CPE: variants seen among roughly 807,000 people sequenced by gnomAD.
The protein encoded by CPE is carboxypeptidase E, also known as carbocypeptidase E.
In CPE, 17 loss-of-function variants were observed where a neutral mutation model predicts 53.5. That is an observed-to-expected ratio of 0.32 (90% CI 0.22 to 0.48). The LOEUF (loss-of-function observed/expected upper bound fraction) is 0.48. Among genes scored for constraint, CPE ranks in the 20% least tolerant of loss-of-function variants. The pLI is 0.99. For missense variants in CPE, 524 were observed against 614.7 expected (o/e 0.85, Z 1.56); for synonymous variants, 226 against 228.8 (o/e 0.99, Z 0.11).
At chr4:165,477,883 C>A (rs1732331336) in intron 3 of CPE, among the ~76,000 whole-genome samples, 1 of 152,156 alleles carries the variant, frequency 6.6e-6, no homozygotes, top group Non-Finnish European at 1.5e-5. Context: ...GAGATCCATG[C>A]TCTCCTTGTT....
At chr4:165,486,434 A>T (rs988334122) in intron 5 of CPE, among the ~76,000 whole-genome samples, 1 of 152,186 alleles carries the variant, frequency 6.6e-6, no homozygotes, top group African/African-American at 2.4e-5. Context: ...TTGAATTAGC[A>T]TATAGTGTGA....
intron 1 of CPE, among the ~76,000 whole-genome samples, chr4:165,396,221 C>T (rs903894520): frequency 1.1e-4 from 16 of 152,154 alleles, no homozygotes; most frequent in East Asian, 3.9e-4. Context: ...TCATCTTTAA[C>T]GGGGCTAGGG....
At chr4:165,477,765 T>C (rs1732329078) in intron 3 of CPE, among the ~76,000 whole-genome samples, 1 of 151,500 alleles carries the variant, frequency 6.6e-6, no homozygotes, top group South Asian at 2.1e-4. Flanking sequence ...CCACATAAGC[T>C]GATCCAGGCC....
intron 1 of CPE, among the ~76,000 whole-genome samples, chr4:165,416,928 A>C (rs6828394): frequency 0.3 from 45,952 of 151,738 alleles, 7,037 homozygotes; most frequent in Middle Eastern, 0.4. Context: ...GAATGAATGG[A>C]ATTTGGTAAA....
intron 5 of CPE, among the ~76,000 whole-genome samples, chr4:165,486,209 G>A (rs369288620): frequency 1.4e-5 from 1 of 70,066 alleles, no homozygotes; most frequent in Admixed American, 1.1e-4. Context: ...GAAAAGGGGT[G>A]GGGGGGTAGC....
At chr4:165,459,087 G>GAAAA (rs1332655572) in intron 1 of CPE, among the ~76,000 whole-genome samples, 1 of 152,160 alleles carries the variant, frequency 6.6e-6, no homozygotes, top group African/African-American at 2.4e-5. Context: ...TTTCTGGGGT[G>GAAAA]TAAAAGAGTA....
intron 1 of CPE, among the ~76,000 whole-genome samples, chr4:165,447,229 G>A (rs1442353379): frequency 6.6e-6 from 1 of 152,144 alleles, no homozygotes; most frequent in Non-Finnish European, 1.5e-5. Context: ...ATTTAAAACT[G>A]TAAACCTTAT....
At position 165,482,278 on chromosome 4, in the gene CPE, A is replaced by T; in HGVS notation, c.709A>T (p.Met237Leu). 1.2e-6 allele frequency: 2 copies of T among 1,614,018 alleles called. No individual in the cohort carries two copies. The highest frequency in any genetic ancestry group is 1.7e-6 in the Non-Finnish European group (2 of 1,179,910). Reference sequence around the variant, plus strand: ...GACCAAGGCTGTCATTCATTGGATTATGGATATTCCTTTTGTGCTTTCTGC... The same window carrying T: ...GACCAAGGCTGTCATTCATTGGATTTTGGATATTCCTTTTGTGCTTTCTGC... Reference protein sequence around the residue: ...PETKAVIHWIMDIPFVLSANL... With the variant: ...PETKAVIHWILDIPFVLSANL... Residue 237 changes from methionine to leucine, a missense_variant, in exon 4 of 9, where the codon ATG becomes TTG. Transcript: ENST00000402744.
intron 1 of CPE, among the ~76,000 whole-genome samples, chr4:165,433,852 A>G (rs1368893538): frequency 2.0e-5 from 3 of 152,184 alleles, no homozygotes; most frequent in African/African-American, 7.2e-5. Context: ...ACATGCATTC[A>G]CAATGTCTTG....
chr4:165,436,255 A>C (rs1731500351), intron 1 of CPE, among the ~76,000 whole-genome samples: 3 of 152,124 alleles, frequency 2.0e-5, no homozygotes. Context: ...ATATCATTAA[A>C]AAATCCTCTT....
chr4:165,438,101 G>A (rs1455347594), intron 1 of CPE, among the ~76,000 whole-genome samples: 2 of 152,238 alleles, frequency 1.3e-5, no homozygotes, highest in East Asian at 3.9e-4. Flanking sequence ...AAGGATATCT[G>A]TGGATGAATA....
At chr4:165,418,505 A>G in intron 1 of CPE, among the ~76,000 whole-genome samples, 1 of 152,242 alleles carries the variant, frequency 6.6e-6, no homozygotes. Context: ...GGGTGATAGC[A>G]CACAAACAGA....
intron 1 of CPE, among the ~76,000 whole-genome samples, chr4:165,431,535 G>C (rs1246551805): frequency 6.6e-6 from 1 of 152,154 alleles, no homozygotes; most frequent in African/African-American, 2.4e-5. Flanking sequence ...GCTCCCTTAA[G>C]TAAGGACACA....
chr4:165,425,598 C>CA (rs1333735872), intron 1 of CPE, among the ~76,000 whole-genome samples: 5 of 149,334 alleles, frequency 3.3e-5, no homozygotes, highest in Non-Finnish European at 1.5e-5. Context: ...TAGATATTGA[C>CA]AATAAAGTCA....
At chr4:165,388,446 G>A (rs1730632854) in intron 1 of CPE, among the ~76,000 whole-genome samples, 1 of 152,078 alleles carries the variant, frequency 6.6e-6, no homozygotes. Flanking sequence ...GTAATTTAGG[G>A]ACTATTTAAT....
intron 1 of CPE, among the ~76,000 whole-genome samples, chr4:165,401,350 C>T (rs1207866111): frequency 6.6e-6 from 1 of 152,216 alleles, no homozygotes; most frequent in Non-Finnish European, 1.5e-5. Context: ...TTTGGATTTG[C>T]ACATCCACCT....
intron 1 of CPE, among the ~76,000 whole-genome samples, chr4:165,411,832 A>G (rs1731047066): frequency 6.6e-6 from 1 of 152,210 alleles, no homozygotes; most frequent in South Asian, 2.1e-4. Flanking sequence ...CCATTGAAGC[A>G]CTATACCTGT....
At chr4:165,452,587 GT>G (rs921629595) in intron 1 of CPE, among the ~76,000 whole-genome samples, 10 of 151,334 alleles carry the variant, frequency 6.6e-5, no homozygotes, top group African/African-American at 1.7e-4. Context: ...TGTTTTTTGG[GT>G]TTTTTTTGCA....
At chr4:165,450,328 T>G (rs1731787062) in intron 1 of CPE, among the ~76,000 whole-genome samples, 1 of 152,116 alleles carries the variant, frequency 6.6e-6, no homozygotes, top group South Asian at 2.1e-4. Context: ...TGTCTTTCAT[T>G]TCATTACTCT....
Sources: allele counts gnomAD v4.1 joint callset (sites outside exome capture counted in the v4.1 genomes callset), GRCh38; gene constraint gnomAD v4.1.1; transcripts MANE v1.5; gene names NCBI Gene and HGNC (gene_info 2026-07-23, HGNC 2026-07-21).